ANK1: variants seen among roughly 807,000 people sequenced by gnomAD.
ANK1 encodes ankyrin 1, also known as ankyrin-1.
Under a neutral mutation model 210.4 loss-of-function variants are expected in ANK1, and 51 were observed. That is an observed-to-expected ratio of 0.24 (90% CI 0.19 to 0.31). The LOEUF (loss-of-function observed/expected upper bound fraction) is 0.31. Ranked by LOEUF, ANK1 falls within the 10% of genes least tolerant of loss-of-function variation. The pLI, the probability that ANK1 is intolerant of heterozygous loss-of-function variation, is 1.00. For synonymous variants in ANK1, 967 were observed against 1,025.9 expected (o/e 0.94, Z 1.10); for missense variants, 2,051 against 2,504.4 (o/e 0.82, Z 3.86).
At chr8:41,794,198 C>A (rs1227683966) in intron 1 of ANK1, among the ~76,000 whole-genome samples, 7 of 152,172 alleles carry the variant, frequency 4.6e-5, no homozygotes, top group Admixed American at 3.3e-4. Flanking sequence ...GAAGTAAAAT[C>A]CCCACATCAA....
chr8:41,869,881 G>C (rs1815148136), intron 1 of ANK1, among the ~76,000 whole-genome samples: 1 of 152,138 alleles, frequency 6.6e-6, no homozygotes, highest in Non-Finnish European at 1.5e-5. Flanking sequence ...CAATTATTTT[G>C]CAATAATGTT....
upstream of ANK1, among the ~76,000 whole-genome samples, chr8:41,799,868 G>A (rs1849592119): frequency 6.6e-6 from 1 of 152,150 alleles, no homozygotes; most frequent in Non-Finnish European, 1.5e-5. Context: ...CTGGTTTCAG[G>A]GAGCCGGACT....
chr8:41,672,954 C>G (rs1370932761), intron 37 of ANK1, 42 bp from the exon 38 acceptor site: 2 of 1,553,508 alleles, frequency 1.3e-6, no homozygotes, highest in African/African-American at 2.7e-5. Flanking sequence ...AGCAGTGATT[C>G]CTGTCCCACC....
chr8:41,754,876 C>T (rs1381877907), intron 2 of ANK1, among the ~76,000 whole-genome samples: 3 of 152,234 alleles, frequency 2.0e-5, no homozygotes, highest in African/African-American at 7.2e-5. Context: ...TTTCCAGGCG[C>T]AGCCACCTGC....
chr8:41,846,799 TCC>T, intron 1 of ANK1, among the ~76,000 whole-genome samples: 1 of 151,924 alleles, frequency 6.6e-6, no homozygotes, highest in South Asian at 2.1e-4. Context: ...TCCCACACCC[TCC>T]CACCCTGCTC....
chr8:41,785,636 C>T (rs1012119055), intron 1 of ANK1, among the ~76,000 whole-genome samples: 6 of 152,182 alleles, frequency 3.9e-5, no homozygotes, highest in Admixed American at 1.3e-4. Context: ...TGGGTGTGGT[C>T]ACTCCAGTCC....
upstream of ANK1, among the ~76,000 whole-genome samples, chr8:41,799,563 T>A (rs1849534739): frequency 6.6e-6 from 1 of 152,176 alleles, no homozygotes; most frequent in South Asian, 2.1e-4. Context: ...TCACATGATG[T>A]AGGAAACATC....
At chr8:41,714,276 G>A in intron 15 of ANK1, 22 bp from the exon 16 acceptor site, 1 of 1,544,342 alleles carries the variant, frequency 6.5e-7, no homozygotes, top group Non-Finnish European at 8.8e-7. Context: ...AAAGACAAAA[G>A]AGGCCGGCTG....
intron 1 of ANK1, among the ~76,000 whole-genome samples, chr8:41,865,033 AC>A (rs1235982142): frequency 6.6e-6 from 1 of 152,012 alleles, no homozygotes; most frequent in Non-Finnish European, 1.5e-5. Context: ...GAAGGGGATC[AC>A]CCCCATTCCT....
intron 42 of ANK1, among the ~76,000 whole-genome samples, chr8:41,656,388 C>T (rs779843084): frequency 1.5e-4 from 23 of 152,226 alleles, no homozygotes; most frequent in Non-Finnish European, 2.4e-4. Context: ...GCTGCTCTCC[C>T]CATGCCCCTC....
chr8:41,704,612 G>A lies in ANK1; in HGVS notation c.2098-140C>T. 1.3e-6 allele frequency: 1 copy of A among 769,608 alleles called. No individual in the cohort carries two copies. Among genetic ancestry groups the A allele is most frequent in the Non-Finnish European group, 2.3e-6 (1 of 443,496 alleles). The allele number at this position is 769,608 out of a possible 1,614,324, so 47.7% of individuals were successfully genotyped here. A position where few individuals can be genotyped will look rare whatever the true frequency, so the allele number is the denominator to read the frequency against. ...GACATTGACAAGCTGAATGGCTGCT[G>A]CTGGGCAGAGACCACCAGGCTGAGA... On this transcript the variant is annotated intron_variant, in intron 18 of 42. Coordinates refer to ENST00000289734, the MANE Select transcript of ANK1 (RefSeq NM_000037.4). This position sits in a 1 kb window ranked among gnomAD's most constrained non-coding sequence, Gnocchi z 4.1.
intron 1 of ANK1, chr8:41,828,268 G>GCC: frequency 6.5e-6 from 1 of 153,682 alleles, no homozygotes; most frequent in Non-Finnish European, 1.5e-5. Flanking sequence ...GCCCCGCTCC[G>GCC]CCCGTGCTGG....
chr8:41,835,931 T>G (rs1424295561), intron 1 of ANK1, among the ~76,000 whole-genome samples: 1 of 152,080 alleles, frequency 6.6e-6, no homozygotes, highest in Non-Finnish European at 1.5e-5. Context: ...TCCCAGAGTC[T>G]CCCATAGGCC....
chr8:41,791,953 A>G (rs561412520), intron 1 of ANK1, among the ~76,000 whole-genome samples: 1 of 152,070 alleles, frequency 6.6e-6, no homozygotes, highest in East Asian at 1.9e-4. Context: ...TGTTTTTCCT[A>G]ATCTGTCTAT....
Position 41,719,712 on chromosome 8 carries a change from C to T in ANK1, c.1056G>A (p.Arg352=). 2 of 1,614,218 alleles carry T rather than the reference C, an allele frequency of 1.2e-6. No individual in the cohort carries two copies. Among genetic ancestry groups the T allele is most frequent in the Non-Finnish European group, 1.7e-6 (2 of 1,180,032 alleles). Residue 352 remains arginine (R), a synonymous_variant, in exon 10 of 43, where the codon AGG becomes AGA. Transcript: ENST00000289734. Reference sequence around the variant, plus strand: ...CTTTATCCAGAAGGACCTTAGCCACCCTGTGGTGTCCACAGTGGGCAGCCA... The same window carrying T: ...CTTTATCCAGAAGGACCTTAGCCACTCTGTGGTGTCCACAGTGGGCAGCCA... ...LHVAAHCGHH[R]VAKVLLDKGA... is the part of the protein sequence containing the mutation.
intron 1 of ANK1, among the ~76,000 whole-genome samples, chr8:41,850,844 C>G (rs1811107510): frequency 6.6e-6 from 1 of 152,124 alleles, no homozygotes; most frequent in South Asian, 2.1e-4. Context: ...ATGCCTGAAG[C>G]CTCGGCTAGT....
intron 1 of ANK1, among the ~76,000 whole-genome samples, chr8:41,857,573 T>C (rs1041953682): frequency 3.3e-5 from 5 of 151,962 alleles, no homozygotes; most frequent in African/African-American, 1.2e-4. Flanking sequence ...AGTCCGTCTC[T>C]ACTAAAAATA....
intron 2 of ANK1, among the ~76,000 whole-genome samples, chr8:41,751,425 G>A (rs1837678552): frequency 6.6e-6 from 1 of 152,178 alleles, no homozygotes; most frequent in Non-Finnish European, 1.5e-5. Flanking sequence ...CTAGGCTTGA[G>A]CCTTAAGAGA....
In ANK1 at chr8:41,797,423, G is replaced by T; in HGVS notation, c.27+89C>A. On this transcript the variant is annotated intron_variant, in intron 1 of 42. Transcript: ENST00000289734. The surrounding 1 kb of genome is among the most constrained non-coding windows in gnomAD (Gnocchi z 4.0). ...CGAGGCGGGTGGGGTGTGCAAAGCT[G>T]CTCTTGCTCGCGTGCTGCCTACTGG... 1 of 1,244,478 alleles carries T rather than the reference G, an allele frequency of 8.0e-7. No homozygotes were observed. The highest frequency in any genetic ancestry group is 1.2e-6 in the Non-Finnish European group (1 of 867,808). The allele number at this position is 1,244,478 out of a possible 1,614,324, so 77.1% of individuals were successfully genotyped here. A position where few individuals can be genotyped will look rare whatever the true frequency, so the allele number is the denominator to read the frequency against.
Sources: gnomAD v4.1 joint callset for allele counts (sites outside exome capture counted in the v4.1 genomes callset) on GRCh38, gnomAD v4.1.1 for gene constraint, Gnocchi (gnomAD v3.1) non-coding constraint, MANE v1.5 for transcripts, NCBI Gene and HGNC (gene_info 2026-07-23, HGNC 2026-07-21) for gene names.